TMBIM4: variants seen among roughly 807,000 people sequenced by gnomAD.
The protein encoded by TMBIM4 is protein lifeguard 4.
TMBIM4 carries 28 observed loss-of-function variants against 27.7 expected under a neutral mutation model. The observed-to-expected ratio is 1.01, with a 90% CI of 0.75 to 1.38. The LOEUF is 1.38. TMBIM4 is among the 40% of genes most tolerant of loss of function. TMBIM4 has a pLI of 0.00. For synonymous variants in TMBIM4, 115 were observed against 113.1 expected (o/e 1.02, Z -0.11); for missense variants, 265 against 277.5 (o/e 0.95, Z 0.32).
intron 3 of TMBIM4, 57 bp from the exon 4 acceptor site, chr12:66,147,998 T>A: frequency 6.7e-7 from 1 of 1,488,270 alleles, no homozygotes. Flanking sequence ...TCATGTACAT[T>A]TTCTAATTTC....
intron 3 of TMBIM4, among the ~76,000 whole-genome samples, chr12:66,149,904 T>G (rs1335572378): frequency 6.8e-6 from 1 of 147,516 alleles, no homozygotes; most frequent in Non-Finnish European, 1.5e-5. Flanking sequence ...ACACACACAC[T>G]CCTACTAGGG....
At chr12:66,157,958 G>A (rs2051964204) in intron 1 of TMBIM4, among the ~76,000 whole-genome samples, 1 of 152,180 alleles carries the variant, frequency 6.6e-6, no homozygotes, top group Non-Finnish European at 1.5e-5. Context: ...CAGGCATGGT[G>A]GCTCATGCCT....
In TMBIM4 at chr12:66,136,397, A is replaced by T. The variant is rs979278975; in HGVS notation, c.*1563T>A. On this transcript the variant is annotated 3_prime_UTR_variant, in exon 7 of 7. Coordinates refer to ENST00000358230, the MANE Select transcript of TMBIM4 (RefSeq NM_016056.4). ...TAATAAAGTCAAATTTACATCTACAAATCATGCAAGCTTAAATTGATACTA... is the reference window on the plus strand; with the variant it reads ...TAATAAAGTCAAATTTACATCTACATATCATGCAAGCTTAAATTGATACTA... The T allele has an allele frequency of 1.7e-4, 27 of 154,294 alleles. No homozygotes were observed. Among genetic ancestry groups the T allele is most frequent in the African/African-American group, 5.8e-4 (24 of 41,524 alleles). The allele number at this position is 154,294 out of a possible 1,614,324, so 9.6% of individuals were successfully genotyped here. A position where few individuals can be genotyped will look rare whatever the true frequency, so the allele number is the denominator to read the frequency against.
rs577033421 is a variant in TMBIM4, at chr12:66,138,211, T to C, written c.511-45A>G. On this transcript the variant is annotated intron_variant, in intron 6 of 6. Transcript: ENST00000358230. The stretch of plus-strand genomic sequence containing the variant: ...GAAATATGTTTATATTTGAGAACAG[T>C]ATTAACAGGACTTAACTTACTTCCT... The C allele has an allele frequency of 2.5e-6, 4 of 1,575,348 alleles. No individual in the cohort carries two copies. In the African/African-American group the frequency reaches 5.5e-5, roughly 22 times the overall value.
intron 1 of TMBIM4, among the ~76,000 whole-genome samples, chr12:66,167,496 A>T (rs1178870017): frequency 6.6e-6 from 1 of 152,248 alleles, no homozygotes; most frequent in Non-Finnish European, 1.5e-5. Flanking sequence ...CATACTTTTA[A>T]AATGTGCAAC....
intron 1 of TMBIM4, chr12:66,168,854 ATAACT>A (rs2052180233): frequency 6.2e-6 from 1 of 160,018 alleles, no homozygotes; most frequent in Admixed American, 6.5e-5. Flanking sequence ...AACCATGTGA[ATAACT>A]TAACACTACT....
chr12:66,162,160 C>T (rs1483399856), intron 1 of TMBIM4, among the ~76,000 whole-genome samples: 1 of 152,104 alleles, frequency 6.6e-6, no homozygotes, highest in Non-Finnish European at 1.5e-5. Flanking sequence ...TTCTGTCTCC[C>T]CCATCTCCAC....
intron 5 of TMBIM4, among the ~76,000 whole-genome samples, chr12:66,142,216 A>C (rs1406213669): frequency 1.3e-5 from 2 of 151,792 alleles, no homozygotes; most frequent in East Asian, 3.9e-4. Context: ...TGGCCCTAAA[A>C]TTTCTCAGGA....
At chr12:66,169,685 G>T (rs2052201506) in intron 1 of TMBIM4, among the ~76,000 whole-genome samples, 170 bp downstream of exon 1, 1 of 152,192 alleles carries the variant, frequency 6.6e-6, no homozygotes, top group Admixed American at 6.5e-5. Flanking sequence ...CCGACTCCCT[G>T]AGGAGGGCGC....
chr12:66,169,187 G>A (rs1035909503), intron 1 of TMBIM4: 3 of 680,532 alleles, frequency 4.4e-6, no homozygotes, highest in Non-Finnish European at 8.0e-6. Context: ...GACCAAACTA[G>A]AGCAGGCAAT....
intron 1 of TMBIM4, among the ~76,000 whole-genome samples, chr12:66,163,474 G>A (rs566641474): frequency 2.0e-5 from 3 of 152,232 alleles, no homozygotes; most frequent in African/African-American, 7.2e-5. Context: ...ATGGTGGAAG[G>A]GGAAGCAAAC....
chr12:66,160,641 T>G (rs1463076052), intron 1 of TMBIM4, among the ~76,000 whole-genome samples: 1 of 152,244 alleles, frequency 6.6e-6, no homozygotes. Flanking sequence ...ATTCAGAAAT[T>G]CATTCTCACA....
At chr12:66,146,177 A>G (rs2136855163) in intron 4 of TMBIM4, among the ~76,000 whole-genome samples, 1 of 152,272 alleles carries the variant, frequency 6.6e-6, no homozygotes, top group East Asian at 1.9e-4. Context: ...ACAAAATCAG[A>G]GGTCACATTA....
chr12:66,160,211 C>T (rs754351113), intron 1 of TMBIM4: 1 of 703,168 alleles, frequency 1.4e-6, no homozygotes, highest in African/African-American at 1.7e-5. Context: ...TACCAGATTG[C>T]CGGAGATGAA....
At chr12:66,166,081 G>A (rs2052121709) in intron 1 of TMBIM4, among the ~76,000 whole-genome samples, 1 of 152,156 alleles carries the variant, frequency 6.6e-6, no homozygotes, top group Admixed American at 6.5e-5. Flanking sequence ...GGTAATTTTT[G>A]TATACAGTTT....
intron 5 of TMBIM4, among the ~76,000 whole-genome samples, chr12:66,143,491 G>C (rs1223447779): frequency 2.0e-5 from 3 of 152,150 alleles, no homozygotes; most frequent in African/African-American, 7.2e-5. Flanking sequence ...TAAACTTCCA[G>C]CAGTTTAACA....
intron 5 of TMBIM4, 164 bp from the exon 6 acceptor site, chr12:66,138,933 G>T: frequency 9.6e-7 from 1 of 1,046,514 alleles, no homozygotes; most frequent in African/African-American, 1.7e-5. Context: ...GCCCATCTTG[G>T]ATCTTTTTTT....
At chr12:66,167,269 G>A (rs932167618) in intron 1 of TMBIM4, among the ~76,000 whole-genome samples, 1 of 152,200 alleles carries the variant, frequency 6.6e-6, no homozygotes, top group Non-Finnish European at 1.5e-5. Context: ...GGGTGATAAT[G>A]AGGTGTCCAG....
intron 4 of TMBIM4, among the ~76,000 whole-genome samples, chr12:66,146,634 T>C (rs572165046): frequency 1.8e-4 from 28 of 152,344 alleles, no homozygotes; most frequent in African/African-American, 6.7e-4. Context: ...CAATTATGGC[T>C]ATTGTAATAA....
Sources: allele counts gnomAD v4.1 joint callset (sites outside exome capture counted in the v4.1 genomes callset), GRCh38; gene constraint gnomAD v4.1.1; transcripts MANE v1.5; gene names NCBI Gene and HGNC (gene_info 2026-07-23, HGNC 2026-07-21).